PARPBP: variants seen among roughly 807,000 people sequenced by gnomAD.
The protein encoded by PARPBP is PARP1 binding protein, also known as PCNA-interacting partner.
A neutral mutation model predicts 50.0 loss-of-function variants in PARPBP; 52 were observed. That is an observed-to-expected ratio of 1.04 (90% CI 0.83 to 1.31). PARPBP has a LOEUF of 1.31. Ranked by LOEUF, PARPBP falls within the 50% of genes most tolerant of loss-of-function variation. The pLI, the probability that PARPBP is intolerant of heterozygous loss-of-function variation, is 0.00. For missense variants in PARPBP, 697 were observed against 672.0 expected, an observed-to-expected ratio of 1.04 and a Z score of -0.41; for synonymous variants, 244 against 232.1, an observed-to-expected ratio of 1.05 and a Z score of -0.47.
At chr12:102,120,366 A>C (rs1264523468) in intron 1 of PARPBP, 80 bp downstream of exon 1, 2 of 425,762 alleles carry the variant, frequency 4.7e-6, no homozygotes, top group East Asian at 7.3e-5. Flanking sequence ...GGTGTTTTGC[A>C]CTGTAATACC....
intron 4 of PARPBP, 36 bp from the exon 5 acceptor site, chr12:102,164,402 G>A: frequency 6.7e-7 from 1 of 1,485,782 alleles, no homozygotes; most frequent in Non-Finnish European, 9.3e-7. Flanking sequence ...TAGAAGAACT[G>A]CAATAAAGAA....
chr12:102,196,339 CAA>C lies in PARPBP; in HGVS notation c.*50_*51del. On this transcript the variant is annotated 3_prime_UTR_variant, in exon 11 of 11. Coordinates refer to ENST00000327680, the MANE Select transcript of PARPBP (RefSeq NM_017915.5). ...GTTTATGTATCTATAAACCATTCAC[CAA>C]AGACATGCTTAATTTTTAAGAGATC... 5 of 1,182,594 alleles carry C rather than the reference CAA, an allele frequency of 4.2e-6. No individual in the cohort carries two copies. Among genetic ancestry groups the C allele is most frequent in the Non-Finnish European group, 6.0e-6 (5 of 832,872 alleles). 73.3% of individuals were successfully genotyped at this position (1,182,594 alleles called of 1,614,324 possible).
At chr12:102,126,940 C>T (rs1676034603) in intron 2 of PARPBP, among the ~76,000 whole-genome samples, 1 of 152,008 alleles carries the variant, frequency 6.6e-6, no homozygotes, top group Admixed American at 6.6e-5. Flanking sequence ...ATATGACTGC[C>T]ATATTCTATT....
At chr12:102,155,594 T>TGGGG (rs796474782) in intron 4 of PARPBP, among the ~76,000 whole-genome samples, 2 of 40,512 alleles carry the variant, frequency 4.9e-5, no homozygotes, top group South Asian at 1.1e-3. Context: ...GAGAGCATGG[T>TGGGG]GGGGGGGGGG....
intron 9 of PARPBP, among the ~76,000 whole-genome samples, chr12:102,191,125 C>A (rs1008066315): frequency 2.0e-5 from 3 of 152,092 alleles, no homozygotes; most frequent in Non-Finnish European, 4.4e-5. Context: ...CCAATTAATC[C>A]TTGCTCAACT....
At chr12:102,170,788 T>C (rs1402284628) in intron 6 of PARPBP, among the ~76,000 whole-genome samples, 1 of 152,184 alleles carries the variant, frequency 6.6e-6, no homozygotes, top group African/African-American at 2.4e-5. Context: ...TTTTAAAATT[T>C]TGAAACTTTT....
intron 3 of PARPBP, chr12:102,150,296 G>A (rs1465407753): frequency 4.4e-6 from 2 of 454,654 alleles, no homozygotes; most frequent in South Asian, 1.6e-5. Flanking sequence ...AAGTAGACAG[G>A]AAAATATATC....
At chr12:102,135,570 C>T (rs949466842) in intron 2 of PARPBP, among the ~76,000 whole-genome samples, 2 of 147,090 alleles carry the variant, frequency 1.4e-5, no homozygotes, top group Non-Finnish European at 3.0e-5. Flanking sequence ...AATGACAAGG[C>T]AAAGGAACTT....
chr12:102,152,942 A>G (rs1190240857), intron 3 of PARPBP, among the ~76,000 whole-genome samples: 2 of 151,936 alleles, frequency 1.3e-5, no homozygotes, highest in Non-Finnish European at 2.9e-5. Context: ...ACAAAAAAAA[A>G]AAAAAAGGAA....
intron 7 of PARPBP, among the ~76,000 whole-genome samples, chr12:102,176,574 G>A (rs1436177987): frequency 1.3e-5 from 2 of 151,940 alleles, no homozygotes; most frequent in Non-Finnish European, 2.9e-5. Context: ...CTAACCCACA[G>A]AATTATAAGA....
chr12:102,133,109 A>C (rs1883113418), intron 2 of PARPBP, among the ~76,000 whole-genome samples: 1 of 152,040 alleles, frequency 6.6e-6, no homozygotes, highest in African/African-American at 2.4e-5. Flanking sequence ...ATTTTCACTT[A>C]TTTCTTTCCA....
chr12:102,197,342 G>T lies in PARPBP; in HGVS notation c.*1051G>T. The T allele has an allele frequency of 1.2e-6, 1 of 800,556 alleles. No individual in the cohort carries two copies. The allele number at this position is 800,556 out of a possible 1,614,324, so 49.6% of individuals were successfully genotyped here. ...GAGAAAAAACACTTTCAGATAAGAG[G>T]TGTTTGCTGGGATGGAAGAACTACC... On this transcript the variant is annotated 3_prime_UTR_variant, in exon 11 of 11. Coordinates refer to ENST00000327680, the MANE Select transcript of PARPBP (RefSeq NM_017915.5).
At chr12:102,128,783 G>A (rs1269787224) in intron 2 of PARPBP, among the ~76,000 whole-genome samples, 1 of 152,134 alleles carries the variant, frequency 6.6e-6, no homozygotes, top group Admixed American at 6.5e-5. Context: ...TGCAGCAATG[G>A]CCATAGGAGT....
In PARPBP at chr12:102,196,339, C is replaced by A; in HGVS notation, c.*48C>A. ...GTTTATGTATCTATAAACCATTCACCAAAGACATGCTTAATTTTTAAGAGA... is the reference window on the plus strand; with the variant it reads ...GTTTATGTATCTATAAACCATTCACAAAAGACATGCTTAATTTTTAAGAGA... On this transcript the variant is annotated 3_prime_UTR_variant, in exon 11 of 11. Coordinates refer to ENST00000327680, the MANE Select transcript of PARPBP (RefSeq NM_017915.5). 1.7e-6 allele frequency: 2 copies of A among 1,182,582 alleles called. No individual in the cohort carries two copies. The highest frequency in any genetic ancestry group is 1.2e-6 in the Non-Finnish European group (1 of 832,864). 73.3% of individuals were successfully genotyped at this position (1,182,582 alleles called of 1,614,324 possible). A position where few individuals can be genotyped will look rare whatever the true frequency, so the allele number is the denominator to read the frequency against.
At chr12:102,171,794 G>A (rs1320219709) in intron 6 of PARPBP, among the ~76,000 whole-genome samples, 4 of 151,812 alleles carry the variant, frequency 2.6e-5, no homozygotes, top group African/African-American at 4.8e-5. Flanking sequence ...GCGTGAACCC[G>A]GGAGGCGGAG....
At chr12:102,135,685 G>A (rs759425437) in intron 2 of PARPBP, among the ~76,000 whole-genome samples, 3 of 152,032 alleles carry the variant, frequency 2.0e-5, no homozygotes, top group Non-Finnish European at 2.9e-5. Flanking sequence ...TGATAAGACC[G>A]TTACTTGTAT....
rs573802792 is a variant in PARPBP at position 102,197,393 on chromosome 12, G to A, written c.*1102G>A. 3.7e-5 allele frequency: 33 copies of A among 893,028 alleles called. No homozygotes were observed. The African/African-American group carries it at 4.0e-4, about 11-fold the overall frequency. 55.3% of individuals were successfully genotyped at this position (893,028 alleles called of 1,614,324 possible). On this transcript the variant is annotated 3_prime_UTR_variant, in exon 11 of 11. Coordinates refer to ENST00000327680, the MANE Select transcript of PARPBP (RefSeq NM_017915.5). ...TGGCATGTAAGAAATATCGTCAGTCGTCCTAATGCATATTGTGACTGTTTG... is the reference window on the plus strand; with the variant it reads ...TGGCATGTAAGAAATATCGTCAGTCATCCTAATGCATATTGTGACTGTTTG...
intron 6 of PARPBP, among the ~76,000 whole-genome samples, chr12:102,169,930 G>C (rs1888524048): frequency 6.6e-6 from 1 of 152,072 alleles, no homozygotes; most frequent in Non-Finnish European, 1.5e-5. Flanking sequence ...TTTAGCTCTT[G>C]TATCTGAGGA....
intron 6 of PARPBP, among the ~76,000 whole-genome samples, chr12:102,170,756 CT>C (rs2136412919): frequency 6.6e-6 from 1 of 152,256 alleles, no homozygotes; most frequent in East Asian, 1.9e-4. Flanking sequence ...ACTTTATGAA[CT>C]TTAAAATTTG....
Sources: gnomAD v4.1 joint callset for allele counts (sites outside exome capture counted in the v4.1 genomes callset) on GRCh38, gnomAD v4.1.1 for gene constraint, MANE v1.5 for transcripts, NCBI Gene and HGNC (gene_info 2026-07-23, HGNC 2026-07-21) for gene names.